Variants in DNAH12 observed in about 807,000 individuals in gnomAD.
DNAH12 encodes the protein axonemal beta dynein heavy chain 12.
In DNAH12, 285 loss-of-function variants were observed where a neutral mutation model predicts 371.5. The ratio of observed to expected loss-of-function variants is 0.77; its 90% CI spans 0.70 to 0.85. The LOEUF (loss-of-function observed/expected upper bound fraction) is 0.85, where lower values mean the gene tolerates loss of function less well. Among genes scored for constraint, DNAH12 ranks in the 40% least tolerant of loss-of-function variants. The pLI, the probability that DNAH12 is intolerant of heterozygous loss-of-function variation, is 0.00. For synonymous variants in DNAH12, 1,200 were observed against 1,213.0 expected, an observed-to-expected ratio of 0.99 and a Z score of 0.22; for missense variants, 3,611 against 3,689.4, an observed-to-expected ratio of 0.98 and a Z score of 0.55.
At chr3:57,355,967 A>G (rs963365257) in intron 59 of DNAH12, among the ~76,000 whole-genome samples, 1 of 152,192 alleles carries the variant, frequency 6.6e-6, no homozygotes, top group Non-Finnish European at 1.5e-5. Flanking sequence ...AAAGGTAGGT[A>G]TTATTATTAT....
At chr3:57,542,193 G>C (rs1217010180) in intron 2 of DNAH12, among the ~76,000 whole-genome samples, 1 of 144,356 alleles carries the variant, frequency 6.9e-6, no homozygotes, top group African/African-American at 2.6e-5. Flanking sequence ...GTTGAACTCT[G>C]TTTCCTTTTG....
At chr3:57,339,170 T>C (rs1409497422) in intron 60 of DNAH12, among the ~76,000 whole-genome samples, 4 of 152,144 alleles carry the variant, frequency 2.6e-5, no homozygotes, top group Non-Finnish European at 4.4e-5. Context: ...AACAGATGCT[T>C]GAAGGCAGCA....
intron 10 of DNAH12, among the ~76,000 whole-genome samples, 164 bp downstream of exon 10, chr3:57,502,159 G>A (rs2067573715): frequency 6.6e-6 from 1 of 152,028 alleles, no homozygotes; most frequent in African/African-American, 2.4e-5. Flanking sequence ...CGCCCGCCTC[G>A]GCCTCCCTGG....
intron 25 of DNAH12, among the ~76,000 whole-genome samples, chr3:57,449,696 G>C (rs917647806): frequency 2.0e-5 from 3 of 152,186 alleles, no homozygotes; most frequent in Non-Finnish European, 4.4e-5. Flanking sequence ...CGCAAGCGCC[G>C]CACGCAGCCT....
At chr3:57,418,411 A>G (rs1851576) in intron 37 of DNAH12, among the ~76,000 whole-genome samples, 72,702 of 140,362 alleles carry the variant, frequency 0.52, 20,020 homozygotes, top group African/African-American at 0.72. Flanking sequence ...ATAGTGGTGC[A>G]TGCTTGTAGT....
rs71088082 is a variant in DNAH12, at chr3:57,499,648, A to AAAAAAAAAAAAAAATATATG, written c.1335+1672_1335+1673insCATATATTTTTTTTTTTTTT. On this transcript the variant is annotated intron_variant, in intron 11 of 73. Coordinates refer to ENST00000495027, the MANE Select transcript of DNAH12 (RefSeq NM_001366028.2). ...ATCTCTACAAAAAAAAAAAAAAAAAATATATATATATATATATATATATAT... is the reference window on the plus strand; with the variant it reads ...ATCTCTACAAAAAAAAAAAAAAAAAAAAAAAAAAAAAAAATATATGTATATATATATATATATATATATAT... Among the ~76,000 whole-genome samples, 8 of 21,300 alleles carry AAAAAAAAAAAAAAATATATG rather than the reference A, an allele frequency of 3.8e-4. 1 individual carries two copies. Among genetic ancestry groups the AAAAAAAAAAAAAAATATATG allele is most frequent in the Non-Finnish European group, 7.4e-4 (8 of 10,740 alleles). 14.0% of individuals were successfully genotyped at this position (21,300 alleles called of 152,430 possible). A position where few individuals can be genotyped will look rare whatever the true frequency, so the allele number is the denominator to read the frequency against.
intron 2 of DNAH12, chr3:57,530,674 AGT>A (rs1553721615): frequency 8.9e-6 from 4 of 448,356 alleles, no homozygotes; most frequent in Non-Finnish European, 1.2e-5. Context: ...AGCACGATGC[AGT>A]TCTTCAATAG....
At chr3:57,509,256 C>T (rs746422948) in intron 5 of DNAH12, 44 bp from the exon 6 acceptor site, 1 of 1,547,532 alleles carries the variant, frequency 6.5e-7, no homozygotes, top group East Asian at 2.2e-5. Flanking sequence ...AATCTCTGCA[C>T]AATCTATTAA....
intron 32 of DNAH12, among the ~76,000 whole-genome samples, chr3:57,432,682 A>G (rs1364341397): frequency 6.6e-6 from 1 of 152,190 alleles, no homozygotes; most frequent in Admixed American, 6.5e-5. Flanking sequence ...TATGATTCCA[A>G]TGTATTAAGT....
chr3:57,414,614 T>C (rs1390697152), intron 38 of DNAH12, among the ~76,000 whole-genome samples: 2 of 152,214 alleles, frequency 1.3e-5, no homozygotes, highest in Admixed American at 1.3e-4. Flanking sequence ...ACAATGTATC[T>C]ATTAATTTTA....
chr3:57,436,814 A>T, intron 30 of DNAH12, 137 bp downstream of exon 30: 1 of 572,282 alleles, frequency 1.7e-6, no homozygotes, highest in Admixed American at 4.1e-5. Context: ...CTTTTAAGCC[A>T]CTGGGGGGCC....
intron 50 of DNAH12, among the ~76,000 whole-genome samples, chr3:57,381,622 CAT>C (rs1232651026): frequency 2.0e-5 from 3 of 152,098 alleles, no homozygotes; most frequent in Middle Eastern, 3.2e-3. Context: ...GAATTCCACA[CAT>C]GTTAAATACC....
intron 45 of DNAH12, among the ~76,000 whole-genome samples, chr3:57,391,467 G>A (rs2063621826): frequency 6.6e-6 from 1 of 151,970 alleles, no homozygotes; most frequent in Non-Finnish European, 1.5e-5. Context: ...GCAGATCTTG[G>A]GACTTTTTAG....
intron 13 of DNAH12, among the ~76,000 whole-genome samples, chr3:57,481,887 G>T (rs1437349320): frequency 3.9e-5 from 6 of 152,108 alleles, no homozygotes; most frequent in Non-Finnish European, 7.3e-5. Flanking sequence ...GCTGAAACTG[G>T]ATCCCTTCCT....
At chr3:57,336,142 T>C (rs1264976882) in intron 60 of DNAH12, among the ~76,000 whole-genome samples, 2 of 152,234 alleles carry the variant, frequency 1.3e-5, no homozygotes, top group African/African-American at 4.8e-5. Flanking sequence ...CCACTGCACC[T>C]AGAATAAGTC....
chr3:57,518,149 A>G, intron 4 of DNAH12, among the ~76,000 whole-genome samples: 1 of 152,110 alleles, frequency 6.6e-6, no homozygotes, highest in East Asian at 1.9e-4. Context: ...ATTTTACTGA[A>G]CATGTGTTTT....
chr3:57,500,077 G>A (rs1345896839), intron 11 of DNAH12, among the ~76,000 whole-genome samples: 1 of 146,356 alleles, frequency 6.8e-6, no homozygotes, highest in East Asian at 2.0e-4. Context: ...GCCTTACTCT[G>A]TTGCCCAGGC....
Position 57,479,143 on chromosome 3 carries a change from T to A in DNAH12, c.1650+4233A>T, listed in dbSNP as rs1410703452. On this transcript the variant is annotated intron_variant, in intron 13 of 73. Transcript: ENST00000495027. Reference sequence around the variant, plus strand: ...ACACAGACTGGCAAATTGGATAGAGTCAAGACCCATAGTGTGCTGTATTCA... The same window carrying A: ...ACACAGACTGGCAAATTGGATAGAGACAAGACCCATAGTGTGCTGTATTCA... 2.1e-4 allele frequency among the ~76,000 whole-genome samples: 17 copies of A among 82,068 alleles called. No homozygotes were observed. In the East Asian group the frequency reaches 3.9e-3, roughly 19 times the overall value. 53.8% of individuals were successfully genotyped at this position (82,068 alleles called of 152,430 possible).
chr3:57,500,162 C>T (rs1446657423), intron 11 of DNAH12, among the ~76,000 whole-genome samples: 2 of 151,326 alleles, frequency 1.3e-5, no homozygotes, highest in Admixed American at 6.6e-5. Context: ...TCCTCAGCCC[C>T]CCCTAGTAGC....
Sources: allele counts gnomAD v4.1 joint callset (sites outside exome capture counted in the v4.1 genomes callset), GRCh38; gene constraint gnomAD v4.1.1; transcripts MANE v1.5; gene names NCBI Gene and HGNC (gene_info 2026-07-23, HGNC 2026-07-21).